SPINK5: variants seen among roughly 807,000 people sequenced by gnomAD.
SPINK5 encodes the protein serine protease inhibitor Kazal-type 5.
In SPINK5, 125 loss-of-function variants were observed where a neutral mutation model predicts 151.8. The observed-to-expected ratio is 0.82, with a 90% CI of 0.71 to 0.96. The LOEUF (loss-of-function observed/expected upper bound fraction) is 0.96, where lower values mean the gene tolerates loss of function less well. Among genes scored for constraint, SPINK5 ranks in the 40% least tolerant of loss-of-function variants. The pLI is 0.00. For synonymous variants in SPINK5, 374 were observed against 395.3 expected, an observed-to-expected ratio of 0.95 and a Z score of 0.64; for missense variants, 1,194 against 1,291.9, an observed-to-expected ratio of 0.92 and a Z score of 1.16.
intron 16 of SPINK5, among the ~76,000 whole-genome samples, chr5:148,105,442 G>T (rs1753756064): frequency 6.6e-6 from 1 of 152,082 alleles, no homozygotes; most frequent in Admixed American, 6.6e-5. Context: ...TGGAGCAAGT[G>T]GTGGTTTTCT....
intron 20 of SPINK5, among the ~76,000 whole-genome samples, chr5:148,113,696 AT>A (rs1184788846): frequency 6.6e-6 from 1 of 152,056 alleles, no homozygotes; most frequent in Non-Finnish European, 1.5e-5. Flanking sequence ...GGAACTCTGT[AT>A]GTTTGGCTTG....
chr5:148,069,689 C>T (rs188293322), intron 2 of SPINK5, among the ~76,000 whole-genome samples: 63 of 152,052 alleles, frequency 4.1e-4, no homozygotes, highest in Middle Eastern at 3.4e-3. Flanking sequence ...CCCAGAACCT[C>T]GGAAGGGGGA....
At chr5:148,133,042 C>A (rs553028880) in intron 31 of SPINK5, among the ~76,000 whole-genome samples, 1 of 152,078 alleles carries the variant, frequency 6.6e-6, no homozygotes, top group African/African-American at 2.4e-5. Flanking sequence ...CTTTATAGAC[C>A]CATAACAAGT....
At chr5:148,109,807 G>A (rs191452935) in intron 18 of SPINK5, among the ~76,000 whole-genome samples, 4 of 152,226 alleles carry the variant, frequency 2.6e-5, no homozygotes, top group Admixed American at 1.3e-4. Flanking sequence ...CATAAGGCAG[G>A]TCGTGCTACC....
intron 2 of SPINK5, among the ~76,000 whole-genome samples, chr5:148,066,699 A>G (rs537915042): frequency 6.6e-6 from 1 of 152,266 alleles, no homozygotes; most frequent in South Asian, 2.1e-4. Flanking sequence ...GGGAAAAAAG[A>G]AGGATATTAT....
intron 12 of SPINK5, 142 bp downstream of exon 12, chr5:148,099,457 T>C (rs1175572376): frequency 2.9e-6 from 2 of 691,372 alleles, no homozygotes; most frequent in Non-Finnish European, 5.0e-6. Context: ...AGATGAATTA[T>C]ATGGGAAGAT....
At chr5:148,101,990 A>T (rs557341661) in intron 15 of SPINK5, 82 bp downstream of exon 15, 19 of 1,594,442 alleles carry the variant, frequency 1.2e-5, no homozygotes, top group African/African-American at 2.7e-5. Context: ...ATTGTGAATA[A>T]TGCATTTTCT....
chr5:148,128,777 C>T (rs953650294), intron 30 of SPINK5, among the ~76,000 whole-genome samples: 74 of 152,160 alleles, frequency 4.9e-4, no homozygotes, highest in African/African-American at 1.7e-3. Context: ...CCCGCCTCGG[C>T]CTCCCAAAGT....
chr5:148,126,335 G>A (rs1317619795), intron 29 of SPINK5, among the ~76,000 whole-genome samples: 1 of 136,726 alleles, frequency 7.3e-6, no homozygotes, highest in Non-Finnish European at 1.6e-5. Context: ...GATGATGATG[G>A]TTGTAAAGCA....
At chr5:148,094,538 T>G in intron 9 of SPINK5, 57 bp downstream of exon 9, 3 of 1,610,292 alleles carry the variant, frequency 1.9e-6, no homozygotes, top group Non-Finnish European at 2.5e-6. Context: ...GGAGATTGAT[T>G]GGATTGATGA....
At position 148,114,309 on chromosome 5, in the gene SPINK5, T is replaced by C. The variant is rs3815734; in HGVS notation, c.1888-53T>C. On this transcript the variant is annotated intron_variant, in intron 20 of 32. Transcript: ENST00000256084. ...TATAAAGCACTTAGTAGGAACCCAGTAAACTAATTTCCCAGAAGATACTCA... is the reference window on the plus strand; with the variant it reads ...TATAAAGCACTTAGTAGGAACCCAGCAAACTAATTTCCCAGAAGATACTCA... 63,190 of 1,553,354 alleles carry C rather than the reference T, an allele frequency of 0.041. 1,798 individuals carry two copies. The highest frequency in any genetic ancestry group is 0.16 in the East Asian group (6,713 of 42,688).
intron 5 of SPINK5, among the ~76,000 whole-genome samples, chr5:148,087,475 C>T (rs1427463475): frequency 6.6e-6 from 1 of 151,812 alleles, no homozygotes; most frequent in Non-Finnish European, 1.5e-5. Flanking sequence ...AATAAAACTG[C>T]ATTAAAACAC....
chr5:148,103,231 C>T (rs1753694897), intron 15 of SPINK5, among the ~76,000 whole-genome samples: 1 of 152,082 alleles, frequency 6.6e-6, no homozygotes, highest in Admixed American at 6.6e-5. Context: ...GTTGCCTAAT[C>T]TCATTTCATC....
At chr5:148,114,854 T>A (rs895032614) in intron 21 of SPINK5, among the ~76,000 whole-genome samples, 1 of 152,190 alleles carries the variant, frequency 6.6e-6, no homozygotes, top group Non-Finnish European at 1.5e-5. Flanking sequence ...TTACCTACAT[T>A]GTTGAAAATA....
intron 21 of SPINK5, among the ~76,000 whole-genome samples, chr5:148,115,530 G>A (rs73794681): frequency 1.3e-5 from 2 of 152,152 alleles, no homozygotes; most frequent in Admixed American, 1.3e-4. Context: ...AGGCAGCTAC[G>A]CAGAGCAAGG....
At position 148,120,292 on chromosome 5, in the gene SPINK5, C is replaced by T. The variant is rs1197700543; in HGVS notation, c.2442-3C>T. 1.2e-6 allele frequency: 2 copies of T among 1,605,492 alleles called. No homozygotes were observed. The highest frequency in any genetic ancestry group is 2.2e-5 in the East Asian group (1 of 44,522). ...TTGAAATGTTTCATTGTTTTCCCCC[C>T]AGGGAAAGGGAAGCAGCTGAAAAAA... On this transcript the variant is annotated splice_polypyrimidine_tract_variant and splice_region_variant and intron_variant, in intron 25 of 32. Transcript: ENST00000256084.
rs1217923957 is a variant in SPINK5, at chr5:148,133,830, A to G, written c.3129A>G (p.Thr1043=). ...AAACAAATACACACATCCGCAGTAC[A>G]GGGAAGTGTGAGGAGAGCAGCACCC... ...IRQTNTHIRS[T]GKCEESSTPG... Residue 1043 remains threonine (T), a synonymous_variant, in exon 32 of 33, where the codon ACA becomes ACG. Transcript: ENST00000256084. 4.3e-6 allele frequency: 7 copies of G among 1,614,062 alleles called. No individual in the cohort carries two copies. In the South Asian group the frequency reaches 7.7e-5, roughly 18 times the overall value.
chr5:148,077,334 T>C (rs1158853519), intron 4 of SPINK5, among the ~76,000 whole-genome samples: 1 of 150,954 alleles, frequency 6.6e-6, no homozygotes, highest in African/African-American at 2.4e-5. Flanking sequence ...TTCAGAATGC[T>C]GAAAGAAAAA....
At chr5:148,125,631 G>A in intron 28 of SPINK5, 92 bp from the exon 29 acceptor site, 1 of 1,614,184 alleles carries the variant, frequency 6.2e-7, no homozygotes, top group Non-Finnish European at 8.5e-7. Context: ...TGAGCCCAGA[G>A]CTAAGAGAGG....
Sources: allele counts gnomAD v4.1 joint callset (sites outside exome capture counted in the v4.1 genomes callset), GRCh38; gene constraint gnomAD v4.1.1; transcripts MANE v1.5; gene names NCBI Gene and HGNC (gene_info 2026-07-23, HGNC 2026-07-21).